PUS7L: variants seen among roughly 807,000 people sequenced by gnomAD.
PUS7L encodes pseudouridine synthase 7 like, also known as pseudouridylate synthase PUS7L.
Under a neutral mutation model 51.1 loss-of-function variants are expected in PUS7L, and 49 were observed. The ratio of observed to expected loss-of-function variants is 0.96; its 90% CI spans 0.76 to 1.22. PUS7L has a LOEUF of 1.22. Among genes scored for constraint, PUS7L ranks in the 50% most tolerant of loss-of-function variants. The pLI, the probability that PUS7L is intolerant of heterozygous loss-of-function variation, is 0.00. For synonymous variants in PUS7L, 277 were observed against 276.2 expected (o/e 1.00, Z -0.03); for missense variants, 828 against 820.6 (o/e 1.01, Z -0.11).
At chr12:43,738,708 G>T (rs565146487) in intron 5 of PUS7L, 4 of 275,240 alleles carry the variant, frequency 1.5e-5, no homozygotes, top group Admixed American at 5.0e-5. Context: ...TCTTAGTAAG[G>T]TGTAAGAATT....
intron 2 of PUS7L, among the ~76,000 whole-genome samples, chr12:43,750,408 C>T (rs1433402265): frequency 1.3e-5 from 2 of 152,050 alleles, no homozygotes; most frequent in Non-Finnish European, 2.9e-5. Flanking sequence ...TTTAATTTGT[C>T]TTTTTACATT....
intron 5 of PUS7L, 148 bp from the exon 6 acceptor site, chr12:43,738,539 T>A: frequency 1.7e-6 from 1 of 586,812 alleles, no homozygotes; most frequent in Non-Finnish European, 3.0e-6. Context: ...CTTGCAAAAA[T>A]TAAACAGACA....
rs1420084615 is a variant in PUS7L at position 43,720,144 on chromosome 12, A to G, written c.*10232T>C. 6.6e-6 allele frequency: 1 copy of G among 152,220 alleles called. No individual in the cohort carries two copies. The highest frequency in any genetic ancestry group is 1.5e-5 in the Non-Finnish European group (1 of 68,040). 9.4% of individuals were successfully genotyped at this position (152,220 alleles called of 1,614,324 possible). On this transcript the variant is annotated 3_prime_UTR_variant, in exon 9 of 9. Transcript: ENST00000344862. The stretch of plus-strand genomic sequence containing the variant: ...AAGTTTTGATGTGTAGTATGGTTTA[A>G]TATCATTGACTTAAAAATATTTTCT...
In PUS7L at chr12:43,719,532, T is replaced by A. The variant is rs967371591; in HGVS notation, c.*10844A>T. On this transcript the variant is annotated 3_prime_UTR_variant, in exon 9 of 9. Transcript: ENST00000344862. The stretch of plus-strand genomic sequence containing the variant: ...TTTATTTTTTCTAATCTCAGGAAAG[T>A]TTGTGTAGACTTGAATTATTATTTT... 2.7e-4 allele frequency: 41 copies of A among 152,058 alleles called. No individual in the cohort carries two copies. Among genetic ancestry groups the A allele is most frequent in the African/African-American group, 9.9e-4 (41 of 41,402 alleles). 9.4% of individuals were successfully genotyped at this position (152,058 alleles called of 1,614,324 possible).
At chr12:43,733,689 T>C (rs1944613887) in intron 7 of PUS7L, among the ~76,000 whole-genome samples, 1 of 152,242 alleles carries the variant, frequency 6.6e-6, no homozygotes, top group East Asian at 1.9e-4. Flanking sequence ...TGCTTTCCAA[T>C]ATTTAATTGG....
chr12:43,736,217 C>T (rs191075073), intron 7 of PUS7L, among the ~76,000 whole-genome samples, 164 bp downstream of exon 7: 2 of 152,202 alleles, frequency 1.3e-5, no homozygotes, highest in East Asian at 3.9e-4. Flanking sequence ...ATGTGTTAAG[C>T]CTAAACTGAC....
chr12:43,743,744 C>T (rs995663890), intron 4 of PUS7L, among the ~76,000 whole-genome samples: 9 of 150,814 alleles, frequency 6.0e-5, no homozygotes, highest in African/African-American at 2.2e-4. Flanking sequence ...GCCTGGGTGA[C>T]AGAGCGAGAC....
At chr12:43,733,134 G>A (rs1220656104) in intron 7 of PUS7L, among the ~76,000 whole-genome samples, 1 of 151,732 alleles carries the variant, frequency 6.6e-6, no homozygotes, top group African/African-American at 2.4e-5. Context: ...ATTCACCTAA[G>A]TTTTTAATTG....
At chr12:43,747,539 C>A (rs548144556) in intron 3 of PUS7L, among the ~76,000 whole-genome samples, 109 of 151,714 alleles carry the variant, frequency 7.2e-4, no homozygotes, top group African/African-American at 2.6e-3. Flanking sequence ...ACTAAAAATT[C>A]AAAAATTAGC....
chr12:43,726,485 A>G lies in PUS7L; in HGVS notation c.*3891T>C, dbSNP rs1944456370. 8.5e-6 allele frequency: 1 copy of G among 117,456 alleles called. No individual in the cohort carries two copies. The highest frequency in any genetic ancestry group is 3.4e-5 in the African/African-American group (1 of 29,492). The allele number at this position is 117,456 out of a possible 1,614,324, so 7.3% of individuals were successfully genotyped here. A position where few individuals can be genotyped will look rare whatever the true frequency, so the allele number is the denominator to read the frequency against. On this transcript the variant is annotated 3_prime_UTR_variant, in exon 9 of 9. Coordinates refer to ENST00000344862, the MANE Select transcript of PUS7L (RefSeq NM_031292.5). ...AATATCATTCTGGACAAAAGACCTA[A>G]CAAAGATATCATGACAGACTCCAAA...
Position 43,721,231 on chromosome 12 carries a change from A to G in PUS7L, c.*9145T>C, listed in dbSNP as rs1944393652. 6.6e-6 allele frequency: 1 copy of G among 152,186 alleles called. No homozygotes were observed. The highest frequency in any genetic ancestry group is 1.5e-5 in the Non-Finnish European group (1 of 68,030). The allele number at this position is 152,186 out of a possible 1,614,324, so 9.4% of individuals were successfully genotyped here. A position where few individuals can be genotyped will look rare whatever the true frequency, so the allele number is the denominator to read the frequency against. Reference sequence around the variant, plus strand: ...CCTTAAAACCAAAAAGGGCCAGGTTAGACTCTCTTTACAATCTAGAGGAAG... The same window carrying G: ...CCTTAAAACCAAAAAGGGCCAGGTTGGACTCTCTTTACAATCTAGAGGAAG... On this transcript the variant is annotated 3_prime_UTR_variant, in exon 9 of 9. Coordinates refer to ENST00000344862, the MANE Select transcript of PUS7L (RefSeq NM_031292.5).
Position 43,719,352 on chromosome 12 carries a change from G to GT in PUS7L, c.*11023dup, listed in dbSNP as rs1190786364. 1 of 152,110 alleles carries GT rather than the reference G, an allele frequency of 6.6e-6. No individual in the cohort carries two copies. The highest frequency in any genetic ancestry group is 2.4e-5 in the African/African-American group (1 of 41,424). 9.4% of individuals were successfully genotyped at this position (152,110 alleles called of 1,614,324 possible). On this transcript the variant is annotated 3_prime_UTR_variant, in exon 9 of 9. Transcript: ENST00000344862. ...ATGGGTGGTAAAGCTATCAAGAAAA[G>GT]TAAGAAAAGTATTATAAAAGTTGAA...
rs191955006 is a variant in PUS7L, at chr12:43,743,698, G to A, written c.1264-1143C>T. ...GAATGGCGTGAACCCGGGAGGGGGT[G>A]CTTGCAGTGAGCCGAGATCGTGCCA... On this transcript the variant is annotated intron_variant, in intron 4 of 8. Coordinates refer to ENST00000344862, the MANE Select transcript of PUS7L (RefSeq NM_031292.5). Among the ~76,000 whole-genome samples, 228 of 152,166 alleles carry A rather than the reference G, an allele frequency of 1.5e-3. 1 individual carries two copies. Among genetic ancestry groups the A allele is most frequent in the African/African-American group, 5.0e-3 (209 of 41,504 alleles).
intron 4 of PUS7L, among the ~76,000 whole-genome samples, chr12:43,745,386 T>C (rs190222804): frequency 3.3e-5 from 5 of 152,332 alleles, no homozygotes; most frequent in Non-Finnish European, 4.4e-5. Flanking sequence ...CCCAGTGGGA[T>C]TGAATCATAG....
intron 5 of PUS7L, among the ~76,000 whole-genome samples, chr12:43,740,146 AG>A (rs1937824241): frequency 6.6e-6 from 1 of 152,206 alleles, no homozygotes; most frequent in African/African-American, 2.4e-5. Flanking sequence ...AATGATTAAA[AG>A]ATGTTCCTTT....
intron 1 of PUS7L, among the ~76,000 whole-genome samples, chr12:43,757,509 A>G (rs1237257251): frequency 6.6e-6 from 1 of 152,220 alleles, no homozygotes; most frequent in East Asian, 1.9e-4. Flanking sequence ...AATTTTCTGC[A>G]TAGCAGTTCT....
chr12:43,741,160 G>A (rs1298129659), intron 5 of PUS7L: 1 of 152,162 alleles, frequency 6.6e-6, no homozygotes, highest in Non-Finnish European at 1.5e-5. Flanking sequence ...TGTAATATGA[G>A]GTTTGAAAGA....
At chr12:43,750,926 A>T (rs932550527) in intron 2 of PUS7L, among the ~76,000 whole-genome samples, 27 of 152,310 alleles carry the variant, frequency 1.8e-4, no homozygotes, top group African/African-American at 5.3e-4. Flanking sequence ...TGTAGAGAAG[A>T]AGTTCCAGAA....
rs868037242 is a variant in PUS7L at position 43,729,232 on chromosome 12, G to T, written c.*1144C>A. On this transcript the variant is annotated 3_prime_UTR_variant, in exon 9 of 9. Transcript: ENST00000344862. ...GAAAATATTGCAATAAGCAAATTTTGCATTGCATATAGCTTCTCTTCCTTC... is the reference window on the plus strand; with the variant it reads ...GAAAATATTGCAATAAGCAAATTTTTCATTGCATATAGCTTCTCTTCCTTC... 13 of 397,750 alleles carry T rather than the reference G, an allele frequency of 3.3e-5. No homozygotes were observed. Among genetic ancestry groups the T allele is most frequent in the Middle Eastern group, 1.2e-3 (2 of 1,604 alleles). The allele number at this position is 397,750 out of a possible 1,614,324, so 24.6% of individuals were successfully genotyped here. A position where few individuals can be genotyped will look rare whatever the true frequency, so the allele number is the denominator to read the frequency against.
Sources: allele counts gnomAD v4.1 joint callset (sites outside exome capture counted in the v4.1 genomes callset), GRCh38; gene constraint gnomAD v4.1.1; transcripts MANE v1.5; gene names NCBI Gene and HGNC (gene_info 2026-07-23, HGNC 2026-07-21).